The following ADAP2 variants were observed in gnomAD, a reference collection of about 807,000 sequenced individuals.
The protein encoded by ADAP2 is ArfGAP with dual PH domains 2, also known as arf-GAP with dual PH domain-containing protein 2.
A neutral mutation model predicts 54.9 loss-of-function variants in ADAP2; 42 were observed. The observed-to-expected ratio is 0.77, with a 90% CI of 0.60 to 0.99. The LOEUF (loss-of-function observed/expected upper bound fraction) is 0.99. ADAP2 is among the 50% of genes least tolerant of loss of function. ADAP2 has a pLI of 0.00. For synonymous variants in ADAP2, 177 were observed against 180.1 expected, an observed-to-expected ratio of 0.98 and a Z score of 0.14; for missense variants, 429 against 480.4, an observed-to-expected ratio of 0.89 and a Z score of 1.00.
At chr17:30,933,825 G>A (rs1446430774) in intron 4 of ADAP2, among the ~76,000 whole-genome samples, 2 of 152,326 alleles carry the variant, frequency 1.3e-5, no homozygotes, top group Non-Finnish European at 1.5e-5. Flanking sequence ...TTAGGTTGAT[G>A]TCAGCATGAA....
rs1378202346 is a variant in ADAP2 at position 30,949,119 on chromosome 17, C to G, written c.658-168C>G. Among the ~76,000 whole-genome samples, 5 of 152,216 alleles carry G rather than the reference C, an allele frequency of 3.3e-5. No homozygotes were observed. The East Asian group carries it at 9.6e-4, about 29-fold the overall frequency. On this transcript the variant is annotated intron_variant, in intron 6 of 10. Transcript: ENST00000330889. Reference sequence around the variant, plus strand: ...CTTGCCCGGGTTAGCCCACGAGGCTCTGACACAATCCTCCCTGGATGCCCC... The same window carrying G: ...CTTGCCCGGGTTAGCCCACGAGGCTGTGACACAATCCTCCCTGGATGCCCC...
chr17:30,922,980 T>G lies in ADAP2; in HGVS notation c.135T>G (p.Cys45Trp). The change falls in exon 2 of 11, where the codon TGT becomes TGG. Residue 45 changes from cysteine to tryptophan, a missense_variant. Transcript: ENST00000330889. ...CTTACAAGCTGGGGATCTTCATCTG[T>G]CTCAACTGCTGCGGCGTCCACCGTA... is the stretch of plus-strand genomic sequence containing the variant. Reference protein sequence around the residue: ...WASYKLGIFICLNCCGVHRNF... With the variant: ...WASYKLGIFIWLNCCGVHRNF... The G allele has an allele frequency of 6.2e-7, 1 of 1,614,082 alleles. No homozygotes were observed. Among genetic ancestry groups the G allele is most frequent in the South Asian group, 1.1e-5 (1 of 91,062 alleles).
chr17:30,947,313 G>T (rs1912748192), intron 6 of ADAP2, among the ~76,000 whole-genome samples: 1 of 152,150 alleles, frequency 6.6e-6, no homozygotes, highest in Non-Finnish European at 1.5e-5. Context: ...GAAGGCCTAG[G>T]TGTGTCTTTT....
chr17:30,946,255 T>C (rs755217148), intron 6 of ADAP2, among the ~76,000 whole-genome samples: 1 of 152,022 alleles, frequency 6.6e-6, no homozygotes, highest in African/African-American at 2.4e-5. Flanking sequence ...CCTTTGGAGA[T>C]GGAATCTTGC....
chr17:30,926,903 A>G lies in ADAP2; in HGVS notation c.302A>G (p.Gln101Arg), dbSNP rs1176196601. Residue 101 changes from glutamine (Q) to arginine (R), a missense_variant, in exon 3 of 11, where the codon CAG (glutamine) becomes CGG (arginine). Gln to Arg is a conservative substitution (Grantham distance 43). Transcript: ENST00000330889. ...ARVPAFYYIP[Q>R]ANDCLVLKEQ... ...GTCCCAGCTTTCTACTACATCCCCC[A>G]GGCCAACGACTGCCTGTGAGTGGGT... 2 of 1,613,860 alleles carry G rather than the reference A, an allele frequency of 1.2e-6. No homozygotes were observed. The highest frequency in any genetic ancestry group is 2.7e-5 in the African/African-American group (2 of 74,920).
chr17:30,947,455 G>A (rs1272893673), intron 6 of ADAP2, among the ~76,000 whole-genome samples: 2 of 152,130 alleles, frequency 1.3e-5, no homozygotes, highest in African/African-American at 4.8e-5. Context: ...CCAGGTTAAA[G>A]CAATTCTCCA....
At chr17:30,937,911 T>C (rs1356966904) in intron 5 of ADAP2, among the ~76,000 whole-genome samples, 5 of 152,160 alleles carry the variant, frequency 3.3e-5, no homozygotes, top group African/African-American at 9.7e-5. Flanking sequence ...GGGAAAGAAG[T>C]TGGATGTATG....
chr17:30,935,545 A>G (rs1034620001), intron 5 of ADAP2, among the ~76,000 whole-genome samples: 1 of 152,086 alleles, frequency 6.6e-6, no homozygotes, highest in Non-Finnish European at 1.5e-5. Flanking sequence ...GGAAGAATAG[A>G]AGAAAGGGGA....
chr17:30,947,741 A>C (rs1248389380), intron 6 of ADAP2, among the ~76,000 whole-genome samples: 3 of 152,218 alleles, frequency 2.0e-5, no homozygotes, highest in Non-Finnish European at 2.9e-5. Context: ...AGAAAGAGAA[A>C]TGGTTTCATT....
Position 30,944,905 on chromosome 17 carries a change from A to C in ADAP2, c.511-2A>C. 6.2e-7 allele frequency: 1 copy of C among 1,612,820 alleles called. No homozygotes were observed. The highest frequency in any genetic ancestry group is 8.5e-7 in the Non-Finnish European group (1 of 1,179,680). On this transcript the variant is annotated splice_acceptor_variant, in intron 5 of 10. Transcript: ENST00000330889. LOFTEE classifies it high-confidence loss of function. Reference sequence around the variant, plus strand: ...GTCTTTCTTTCTCTTTCTCTCTTTCAGGGTAAAAGCCCCAAAGCTGTCATC... The same window carrying C: ...GTCTTTCTTTCTCTTTCTCTCTTTCCGGGTAAAAGCCCCAAAGCTGTCATC...
chr17:30,953,330 A>G lies in ADAP2; in HGVS notation c.784A>G (p.Met262Val), dbSNP rs771069186. 3.1e-6 allele frequency: 5 copies of G among 1,614,066 alleles called. No homozygotes were observed. The highest frequency in any genetic ancestry group is 1.7e-5 in the Admixed American group (1 of 60,004). Residue 262 changes from methionine to valine, a missense_variant, in exon 8 of 11, where the codon ATG becomes GTG. Coordinates refer to ENST00000330889, the MANE Select transcript of ADAP2 (RefSeq NM_018404.3). ...CAGGAACTACCTCAAACAAGGCTTC[A>G]TGGAAAAGACTGGGCCAAAGGTACC... is the stretch of plus-strand genomic sequence containing the variant. ...LTRNYLKQGFMEKTGPKQKEP... is the reference protein window; with the variant it reads ...LTRNYLKQGFVEKTGPKQKEP...
chr17:30,927,012 C>A, intron 3 of ADAP2, 94 bp downstream of exon 3: 2 of 975,132 alleles, frequency 2.1e-6, no homozygotes, highest in Non-Finnish European at 3.2e-6. Context: ...CTGTGGTGGT[C>A]TCTTCTATGG....
chr17:30,954,563 C>A lies in ADAP2; in HGVS notation c.882+8C>A, dbSNP rs751496637. ...TATTACAAGAACCCACTGGTAAGAG[C>A]CACTCCTGCTCCCTCCCCAGGGCTT... On this transcript the variant is annotated splice_region_variant and intron_variant, in intron 9 of 10. Coordinates refer to ENST00000330889, the MANE Select transcript of ADAP2 (RefSeq NM_018404.3). 1.1e-5 allele frequency: 17 copies of A among 1,612,384 alleles called. No homozygotes were observed. The South Asian group carries it at 1.3e-4, about 13-fold the overall frequency.
At chr17:30,926,763 C>T in intron 2 of ADAP2, 64 bp from the exon 3 acceptor site, 2 of 1,439,804 alleles carry the variant, frequency 1.4e-6, no homozygotes, top group Non-Finnish European at 2.0e-6. Context: ...AGTCAGTGGC[C>T]TCATAGTTTC....
intron 6 of ADAP2, among the ~76,000 whole-genome samples, chr17:30,948,524 C>T (rs1024414905): frequency 2.0e-5 from 3 of 151,900 alleles, no homozygotes; most frequent in African/African-American, 4.8e-5. Context: ...GAGCCAAGAT[C>T]GCACCACTGC....
chr17:30,942,057 C>A (rs922409933), intron 5 of ADAP2, among the ~76,000 whole-genome samples: 4 of 151,966 alleles, frequency 2.6e-5, no homozygotes, highest in Non-Finnish European at 4.4e-5. Flanking sequence ...AGGTGTGTAC[C>A]ACCACTCCCA....
Position 30,959,090 on chromosome 17 carries a change from C to G in ADAP2, c.*1221C>G, listed in dbSNP as rs1273097863. The stretch of plus-strand genomic sequence containing the variant: ...CACTTGCTGGGTTGTGCATTAAGGG[C>G]CAGTTTACTTGTCTGCCTCTTTGAC... On this transcript the variant is annotated 3_prime_UTR_variant, in exon 11 of 11. Coordinates refer to ENST00000330889, the MANE Select transcript of ADAP2 (RefSeq NM_018404.3). The G allele has an allele frequency of 2.6e-5, 4 of 152,086 alleles. No individual in the cohort carries two copies. The highest frequency in any genetic ancestry group is 7.2e-5 in the African/African-American group (3 of 41,396). 9.4% of individuals were successfully genotyped at this position (152,086 alleles called of 1,614,324 possible). A position where few individuals can be genotyped will look rare whatever the true frequency, so the allele number is the denominator to read the frequency against.
chr17:30,949,332 T>G lies in ADAP2; in HGVS notation c.703T>G (p.Tyr235Asp). 4 of 1,614,158 alleles carry G rather than the reference T, an allele frequency of 2.5e-6. No homozygotes were observed. The highest frequency in any genetic ancestry group is 2.5e-6 in the Non-Finnish European group (3 of 1,180,008). The part of the protein sequence containing the change: ...FNALRAARLQ[Y>D]LKMAFPELPE... ...TGCCCTCCGTGCAGCCCGTCTGCAG[T>G]ACCTAAAAATGGCCTTTCCTGAACT... The change falls in exon 7 of 11, where the codon TAC becomes GAC. Residue 235 changes from tyrosine (Y) to aspartate (D), a missense_variant. Coordinates refer to ENST00000330889, the MANE Select transcript of ADAP2 (RefSeq NM_018404.3).
At chr17:30,948,050 C>G (rs1454957952) in intron 6 of ADAP2, among the ~76,000 whole-genome samples, 1 of 152,100 alleles carries the variant, frequency 6.6e-6, no homozygotes, top group Non-Finnish European at 1.5e-5. Flanking sequence ...ATTACAACAT[C>G]AAAACTAACC....
Sources: allele counts gnomAD v4.1 joint callset (sites outside exome capture counted in the v4.1 genomes callset), GRCh38; gene constraint gnomAD v4.1.1; transcripts MANE v1.5; gene names NCBI Gene and HGNC (gene_info 2026-07-23, HGNC 2026-07-21).